Variants in PRKCE observed in about 807,000 individuals in gnomAD.
PRKCE encodes the protein protein kinase C epsilon type.
In PRKCE, 16 loss-of-function variants were observed where a neutral mutation model predicts 85.4. That is an observed-to-expected ratio of 0.19 (90% CI 0.13 to 0.28). PRKCE has a LOEUF of 0.28. Ranked by LOEUF, PRKCE falls within the 10% of genes least tolerant of loss-of-function variation. The pLI is 1.00. For missense variants in PRKCE, 573 were observed against 975.2 expected (o/e 0.59, Z 5.49); for synonymous variants, 388 against 371.5 (o/e 1.04, Z -0.51).
At chr2:46,172,735 G>A (rs1679042914) in intron 14 of PRKCE, among the ~76,000 whole-genome samples, 1 of 152,324 alleles carries the variant, frequency 6.6e-6, no homozygotes, top group African/African-American at 2.4e-5. Flanking sequence ...TCCCCACAGA[G>A]CACTGTATAG....
In PRKCE at chr2:46,184,177, T is replaced by A. The variant is rs1680267179; in HGVS notation, c.2068-558T>A. ...GCATAAAAACGTCATTGCAAGTCAATGTGCTGAGTTTAATAATTGAAAAAA... is the reference window on the plus strand; with the variant it reads ...GCATAAAAACGTCATTGCAAGTCAAAGTGCTGAGTTTAATAATTGAAAAAA... On this transcript the variant is annotated intron_variant, in intron 14 of 14. Transcript: ENST00000306156. This position sits in a 1 kb window ranked among gnomAD's most constrained non-coding sequence, Gnocchi z 5.0. Among the ~76,000 whole-genome samples, 1 of 152,224 alleles carries A rather than the reference T, an allele frequency of 6.6e-6. No homozygotes were observed. The highest frequency in any genetic ancestry group is 2.4e-5 in the African/African-American group (1 of 41,454).
chr2:45,662,255 C>T (rs1343511695), intron 1 of PRKCE, among the ~76,000 whole-genome samples: 1 of 152,166 alleles, frequency 6.6e-6, no homozygotes, highest in East Asian at 1.9e-4. Context: ...GTGCTATGCC[C>T]ACTATGTCAA....
At chr2:45,918,308 G>A (rs974386324) in intron 2 of PRKCE, among the ~76,000 whole-genome samples, 1 of 152,242 alleles carries the variant, frequency 6.6e-6, no homozygotes, top group Non-Finnish European at 1.5e-5. Context: ...CCCAGCAAGG[G>A]TGGGGACTGT....
chr2:45,657,431 T>G (rs1675430371), intron 1 of PRKCE, among the ~76,000 whole-genome samples: 1 of 152,152 alleles, frequency 6.6e-6, no homozygotes, highest in Non-Finnish European at 1.5e-5. Flanking sequence ...GGGTTTACTG[T>G]GGGGATTAAA....
chr2:45,866,695 C>G (rs545452844), intron 2 of PRKCE, among the ~76,000 whole-genome samples: 1 of 152,328 alleles, frequency 6.6e-6, no homozygotes, highest in African/African-American at 2.4e-5. Flanking sequence ...CCACCTGTGG[C>G]TATTTACGTT....
rs72879767 is a variant in PRKCE at position 46,149,791 on chromosome 2, G to T, written c.1732-1250G>T. Reference sequence around the variant, plus strand: ...GCTACATATTTATATGTGCGTGTGTGTGTATCATGTATTTATGACATATGT... The same window carrying T: ...GCTACATATTTATATGTGCGTGTGTTTGTATCATGTATTTATGACATATGT... On this transcript the variant is annotated intron_variant, in intron 12 of 14. Transcript: ENST00000306156. Among the ~76,000 whole-genome samples the T allele has an allele frequency of 6.1e-3, 916 of 150,642 alleles. 19 individuals are homozygous for T. Among genetic ancestry groups the T allele is most frequent in the African/African-American group, 0.021 (853 of 41,044 alleles).
chr2:45,887,885 A>G (rs1469178560), intron 2 of PRKCE, among the ~76,000 whole-genome samples: 1 of 152,214 alleles, frequency 6.6e-6, no homozygotes, highest in Admixed American at 6.5e-5. Flanking sequence ...AACTGGCCCA[A>G]CTGAAATCAT....
At chr2:45,940,915 A>AC (rs1381738157) in intron 2 of PRKCE, among the ~76,000 whole-genome samples, 1 of 151,416 alleles carries the variant, frequency 6.6e-6, no homozygotes. Context: ...AAAAAAAAAA[A>AC]ATTAGCCAGG....
chr2:45,727,710 A>G (rs1447037895), intron 1 of PRKCE, among the ~76,000 whole-genome samples: 2 of 152,162 alleles, frequency 1.3e-5, no homozygotes, highest in Non-Finnish European at 2.9e-5. Flanking sequence ...GCTAGAGTGC[A>G]GTGGTGCGAT....
chr2:46,175,747 A>G (rs1039067859), intron 14 of PRKCE, among the ~76,000 whole-genome samples: 13 of 152,158 alleles, frequency 8.5e-5, no homozygotes, highest in Admixed American at 6.6e-4. Flanking sequence ...AAATACCAAT[A>G]TAAAATAGAC....
intron 2 of PRKCE, among the ~76,000 whole-genome samples, chr2:45,880,918 C>G (rs1373518288): frequency 6.6e-6 from 1 of 152,068 alleles, no homozygotes; most frequent in Non-Finnish European, 1.5e-5. Flanking sequence ...CTTTGGGAGG[C>G]CGAGGCGGGC....
At chr2:46,132,594 C>T (rs941403417) in intron 11 of PRKCE, among the ~76,000 whole-genome samples, 9 of 152,176 alleles carry the variant, frequency 5.9e-5, no homozygotes, top group Admixed American at 2.0e-4. Flanking sequence ...CGGCCTCATT[C>T]GCCTGAGCCT....
chr2:45,734,035 T>A lies in PRKCE; in HGVS notation c.348+81587T>A, dbSNP rs377656960. Reference sequence around the variant, plus strand: ...GGTGGCACCATGTGGGCTGCGCAGTTGAGGCTGGGTAATTATGAAGTGCAG... The same window carrying A: ...GGTGGCACCATGTGGGCTGCGCAGTAGAGGCTGGGTAATTATGAAGTGCAG... On this transcript the variant is annotated intron_variant, in intron 1 of 14. Coordinates refer to ENST00000306156, the MANE Select transcript of PRKCE (RefSeq NM_005400.3). Among the ~76,000 whole-genome samples, 11 of 152,254 alleles carry A rather than the reference T, an allele frequency of 7.2e-5. No individual in the cohort carries two copies. The South Asian group carries it at 2.1e-3, about 29-fold the overall frequency.
At chr2:46,095,057 C>T (rs980617441) in intron 11 of PRKCE, among the ~76,000 whole-genome samples, 3 of 152,132 alleles carry the variant, frequency 2.0e-5, no homozygotes, top group South Asian at 4.1e-4. Context: ...AAAATTAAGC[C>T]CTTCAGTTCT....
At chr2:45,727,130 T>G (rs1308537385) in intron 1 of PRKCE, among the ~76,000 whole-genome samples, 1 of 152,150 alleles carries the variant, frequency 6.6e-6, no homozygotes, top group African/African-American at 2.4e-5. Context: ...GTGAAGTTAA[T>G]TTTATGTGAT....
intron 10 of PRKCE, among the ~76,000 whole-genome samples, chr2:46,039,994 A>G (rs1209207801): frequency 6.6e-6 from 1 of 152,160 alleles, no homozygotes; most frequent in African/African-American, 2.4e-5. Flanking sequence ...TGGAGTTGCC[A>G]TTTTTACCTA....
intron 1 of PRKCE, among the ~76,000 whole-genome samples, chr2:45,704,416 C>T (rs541226181): frequency 6.6e-6 from 1 of 152,176 alleles, no homozygotes; most frequent in South Asian, 2.1e-4. Context: ...GAACCTGTAG[C>T]TTTGCTTTTT....
At chr2:45,787,813 C>G (rs549601797) in intron 1 of PRKCE, among the ~76,000 whole-genome samples, 2 of 152,238 alleles carry the variant, frequency 1.3e-5, no homozygotes, top group South Asian at 2.1e-4. Flanking sequence ...GGATGTATGA[C>G]CTCAAGGGAT....
chr2:45,660,220 GA>G (rs1340244459), intron 1 of PRKCE, among the ~76,000 whole-genome samples: 4 of 152,176 alleles, frequency 2.6e-5, no homozygotes, highest in African/African-American at 9.7e-5. Context: ...CCAGTTGAAT[GA>G]ATTTCTTAAA....
Sources: gnomAD v4.1 joint callset for allele counts (sites outside exome capture counted in the v4.1 genomes callset) on GRCh38, gnomAD v4.1.1 for gene constraint, Gnocchi (gnomAD v3.1) non-coding constraint, MANE v1.5 for transcripts, NCBI Gene and HGNC (gene_info 2026-07-23, HGNC 2026-07-21) for gene names.